The following CIT variants were observed in gnomAD, a reference collection of about 807,000 sequenced individuals.
The protein encoded by CIT is citron Rho-interacting kinase.
A neutral mutation model predicts 272.7 loss-of-function variants in CIT; 79 were observed. The observed-to-expected ratio is 0.29, with a 90% CI of 0.24 to 0.35. CIT has a LOEUF of 0.35. CIT is among the 10% of genes least tolerant of loss of function. The pLI, the probability that CIT is intolerant of heterozygous loss-of-function variation, is 1.00. For synonymous variants in CIT, 948 were observed against 995.6 expected, an observed-to-expected ratio of 0.95 and a Z score of 0.90; for missense variants, 1,909 against 2,618.3, an observed-to-expected ratio of 0.73 and a Z score of 5.91.
rs440299 is a variant in CIT at position 119,782,478 on chromosome 12, A to G, written c.1665+40T>C. On this transcript the variant is annotated intron_variant, in intron 13 of 47. Coordinates refer to ENST00000392521, the MANE Select transcript of CIT (RefSeq NM_001206999.2). ...CTCTCCTGAAATTAGAGGTCCAAGC[A>G]AGCCGAGATGCTGCTGTGCTCCCAG... 749,875 of 1,602,542 alleles carry G rather than the reference A, an allele frequency of 0.47. 177,630 individuals are homozygous for G. The highest frequency in any genetic ancestry group is 0.58 in the Admixed American group (34,260 of 58,928).
intron 6 of CIT, 101 bp from the exon 7 acceptor site, chr12:119,832,965 T>C (rs1055131951): frequency 2.4e-6 from 2 of 819,772 alleles, no homozygotes; most frequent in African/African-American, 3.4e-5. Flanking sequence ...GTTTATGTAT[T>C]CTGTTATATA....
chr12:119,771,541 G>A (rs1963150947), intron 17 of CIT, among the ~76,000 whole-genome samples: 1 of 152,180 alleles, frequency 6.6e-6, no homozygotes, highest in South Asian at 2.1e-4. Context: ...AAAGCAGAAA[G>A]GTCAAAGGTT....
At position 119,702,872 on chromosome 12, in the gene CIT, C is replaced by G. The variant is rs1046530720; in HGVS notation, c.5305-914G>C. Among the ~76,000 whole-genome samples, 3 of 151,242 alleles carry G rather than the reference C, an allele frequency of 2.0e-5. No homozygotes were observed. In the South Asian group the frequency reaches 6.2e-4, roughly 31 times the overall value. On this transcript the variant is annotated intron_variant, in intron 41 of 47. Transcript: ENST00000392521. ...TAGCTTCTAAGTTTCTAGTTTGAAC[C>G]TATATTACCTATGCAGTCATCATCA...
rs777949398 is a variant in CIT at position 119,850,167 on chromosome 12, G to A, written c.516+7C>T. 2.0e-6 allele frequency: 3 copies of A among 1,536,960 alleles called. No individual in the cohort carries two copies. In the African/African-American group the frequency reaches 4.1e-5, roughly 21 times the overall value. On this transcript the variant is annotated splice_region_variant and intron_variant, in intron 5 of 47. Coordinates refer to ENST00000392521, the MANE Select transcript of CIT (RefSeq NM_001206999.2). The stretch of plus-strand genomic sequence containing the variant: ...CTAATTCCAGAGAGACAGATGTAAA[G>A]ACTCACCAGATAAAGGTGATTTTTG...
At position 119,757,429 on chromosome 12, in the gene CIT, C is replaced by T. The variant is rs543613992; in HGVS notation, c.2648G>A (p.Ser883Asn). 3.7e-6 allele frequency: 6 copies of T among 1,614,220 alleles called. No homozygotes were observed. The African/African-American group carries it at 8.0e-5, about 22-fold the overall frequency. The change falls in exon 22 of 48, where the codon AGC (serine) becomes AAC (asparagine). Residue 883 changes from serine (S) to asparagine (N), a missense_variant. Physicochemically the swap from Ser to Asn is conservative, Grantham distance 46 (BLOSUM62 1). This residue lies in a region of CIT where 530 missense variants were observed against 822.4 expected (regional missense o/e 0.64). Transcript: ENST00000392521. ...RKLEEQLEKI[S>N]HQDHSDKNRL... Reference sequence around the variant, plus strand: ...ATTCTTGTCACTGTGGTCTTGGTGGCTGATCTTCTCCAGCTGCTCCTCCAG... The same window carrying T: ...ATTCTTGTCACTGTGGTCTTGGTGGTTGATCTTCTCCAGCTGCTCCTCCAG...
At chr12:119,757,330 C>A (rs766768521) in intron 22 of CIT, 41 bp downstream of exon 22, 11 of 1,608,346 alleles carry the variant, frequency 6.8e-6, no homozygotes, top group Non-Finnish European at 2.5e-6. Flanking sequence ...GAGCCCGAAT[C>A]GCCCAGCAAA....
intron 13 of CIT, among the ~76,000 whole-genome samples, chr12:119,780,977 G>A (rs998685072): frequency 2.0e-5 from 3 of 152,126 alleles, no homozygotes; most frequent in African/African-American, 4.8e-5. Flanking sequence ...TGATAATTCC[G>A]TTTCTAAGGA....
At chr12:119,786,643 T>C in intron 10 of CIT, among the ~76,000 whole-genome samples, 1 of 152,222 alleles carries the variant, frequency 6.6e-6, no homozygotes, top group African/African-American at 2.4e-5. Flanking sequence ...AGTTCTGCTT[T>C]CTACTGCCCA....
intron 3 of CIT, among the ~76,000 whole-genome samples, chr12:119,865,135 A>C (rs1311325983): frequency 1.3e-5 from 2 of 152,240 alleles, no homozygotes; most frequent in Admixed American, 6.5e-5. Context: ...CTCCCCAGGA[A>C]ACCTCTTCAA....
intron 20 of CIT, among the ~76,000 whole-genome samples, chr12:119,759,375 G>A (rs1047836991): frequency 2.6e-5 from 4 of 152,352 alleles, no homozygotes; most frequent in South Asian, 4.1e-4. Flanking sequence ...AGCCGGGCGC[G>A]GCGGCTTAGC....
At chr12:119,873,372 G>C (rs1338956521) in intron 2 of CIT, among the ~76,000 whole-genome samples, 6 of 151,290 alleles carry the variant, frequency 4.0e-5, no homozygotes, top group Admixed American at 1.3e-4. Flanking sequence ...CTGCCTCTAG[G>C]GCTCAAGTGA....
intron 5 of CIT, among the ~76,000 whole-genome samples, chr12:119,835,969 C>T (rs2138143193): frequency 6.6e-6 from 1 of 152,112 alleles, no homozygotes; most frequent in South Asian, 2.1e-4. Flanking sequence ...AGTAAGGTTC[C>T]ACTTGTATAA....
chr12:119,802,591 A>T (rs1966292486), intron 10 of CIT, among the ~76,000 whole-genome samples: 1 of 152,102 alleles, frequency 6.6e-6, no homozygotes, highest in Admixed American at 6.5e-5. Context: ...GGCTCACAGT[A>T]ACGGGGCTTT....
At chr12:119,799,349 T>C (rs1965995557) in intron 10 of CIT, among the ~76,000 whole-genome samples, 1 of 152,194 alleles carries the variant, frequency 6.6e-6, no homozygotes, top group South Asian at 2.1e-4. Context: ...GCAAAAGTCC[T>C]GTAAGAAAAG....
chr12:119,815,874 C>T (rs1341977731), intron 9 of CIT, among the ~76,000 whole-genome samples: 1 of 152,076 alleles, frequency 6.6e-6, no homozygotes, highest in Non-Finnish European at 1.5e-5. Context: ...GGGAAGGAGG[C>T]ATTTTTCGCC....
chr12:119,785,001 T>C lies in CIT; in HGVS notation c.1360A>G (p.Lys454Glu), dbSNP rs1477680093. ...TGAGAGTCTTGTAGCTCTTTGCTTT[T>C]GATGAGAAGTTTCTTTTCCATGGAG... Reference protein sequence around the residue: ...TSSMEKKLLIKSKELQDSQDK... With the variant: ...TSSMEKKLLIESKELQDSQDK... The change falls in exon 11 of 48, where the codon AAA becomes GAA. Residue 454 changes from lysine (K) to glutamate (E), a missense_variant. Physicochemically the swap from Lys to Glu is moderately conservative, Grantham distance 56 (BLOSUM62 1). Transcript: ENST00000392521. 9 of 1,614,180 alleles carry C rather than the reference T, an allele frequency of 5.6e-6. No individual in the cohort carries two copies. The highest frequency in any genetic ancestry group is 7.6e-6 in the Non-Finnish European group (9 of 1,180,032).
chr12:119,788,467 G>C (rs190529808), intron 10 of CIT, among the ~76,000 whole-genome samples: 42 of 152,258 alleles, frequency 2.8e-4, no homozygotes, highest in Non-Finnish European at 4.7e-4. Context: ...ACATGCATCA[G>C]GGATGACAAC....
intron 25 of CIT, 144 bp from the exon 26 acceptor site, chr12:119,734,501 G>A: frequency 1.2e-6 from 1 of 849,812 alleles, no homozygotes; most frequent in South Asian, 1.6e-5. Flanking sequence ...CAGCCCAAGG[G>A]GACCAGGCAA....
At chr12:119,841,809 G>A (rs768056393) in intron 5 of CIT, among the ~76,000 whole-genome samples, 4 of 152,302 alleles carry the variant, frequency 2.6e-5, no homozygotes, top group Non-Finnish European at 4.4e-5. Flanking sequence ...CCTAAGGAAG[G>A]GGGGAGTCAC....
Sources: gnomAD v4.1 joint callset for allele counts (sites outside exome capture counted in the v4.1 genomes callset) on GRCh38, gnomAD v4.1.1 for gene constraint, gnomAD v4.1.1 regional missense constraint, MANE v1.5 for transcripts, NCBI Gene and HGNC (gene_info 2026-07-23, HGNC 2026-07-21) for gene names.